Variants in ADGRB3 observed in about 807,000 individuals in gnomAD.
ADGRB3 encodes adhesion G protein-coupled receptor B3.
Under a neutral mutation model 193.4 loss-of-function variants are expected in ADGRB3, and 37 were observed. That is an observed-to-expected ratio of 0.19 (90% CI 0.15 to 0.25). ADGRB3 has a LOEUF of 0.25. Ranked by LOEUF, ADGRB3 falls within the 10% of genes least tolerant of loss-of-function variation. The probability of loss-of-function intolerance (pLI) is 1.00; values close to 1 mark genes in which losing one functional copy is unlikely to be tolerated. For synonymous variants in ADGRB3, 690 were observed against 644.2 expected, an observed-to-expected ratio of 1.07 and a Z score of -1.08; for missense variants, 1,637 against 1,852.9, an observed-to-expected ratio of 0.88 and a Z score of 2.14.
chr6:68,912,330 A>G (rs1424403983), intron 3 of ADGRB3, among the ~76,000 whole-genome samples: 1 of 151,270 alleles, frequency 6.6e-6, no homozygotes, highest in Non-Finnish European at 1.5e-5. Flanking sequence ...AATAATGTAT[A>G]TTCATCTTCT....
intron 20 of ADGRB3, among the ~76,000 whole-genome samples, chr6:69,297,392 ATCTCTCTCTCTC>A (rs375206329): frequency 8.8e-6 from 1 of 113,262 alleles, no homozygotes; most frequent in African/African-American, 3.5e-5. Flanking sequence ...CTCTCTCTCT[ATCTCTCTCTCTC>A]TCTCTCTATA....
intron 3 of ADGRB3, among the ~76,000 whole-genome samples, chr6:68,707,129 A>C (rs994862844): frequency 1.3e-5 from 2 of 151,754 alleles, no homozygotes; most frequent in South Asian, 4.2e-4. Context: ...AAAAAAAAAA[A>C]AGATTGTTTT....
intron 3 of ADGRB3, among the ~76,000 whole-genome samples, chr6:68,672,390 A>G (rs1303336214): frequency 6.6e-6 from 1 of 151,582 alleles, no homozygotes; most frequent in Non-Finnish European, 1.5e-5. Flanking sequence ...TTTTTGATGC[A>G]TGCACTTGTA....
chr6:68,788,145 T>C (rs1488997942), intron 3 of ADGRB3, among the ~76,000 whole-genome samples: 2 of 152,224 alleles, frequency 1.3e-5, no homozygotes, highest in African/African-American at 4.8e-5. Context: ...TTTTTGTGTC[T>C]CTATTTCCTT....
intron 20 of ADGRB3, among the ~76,000 whole-genome samples, chr6:69,289,566 C>T (rs75537652): frequency 1.3e-5 from 2 of 152,142 alleles, no homozygotes; most frequent in East Asian, 1.9e-4. Flanking sequence ...TTACATGGCC[C>T]TATTTTATGC....
In ADGRB3 at chr6:69,101,350, C is replaced by T. The variant is rs563267218; in HGVS notation, c.2480+25312C>T. On this transcript the variant is annotated intron_variant, in intron 17 of 31. Coordinates refer to ENST00000370598, the MANE Select transcript of ADGRB3 (RefSeq NM_001704.3). ...AAATTTTATCTTAAAACAGTTCTAT[C>T]TCTTTGTTTTTACTTAGACATTTAT... 1.2e-4 allele frequency among the ~76,000 whole-genome samples: 19 copies of T among 152,002 alleles called. No homozygotes were observed. The South Asian group carries it at 3.1e-3, about 25-fold the overall frequency.
intron 3 of ADGRB3, among the ~76,000 whole-genome samples, chr6:68,914,087 G>A (rs1303999586): frequency 3.2e-4 from 48 of 151,964 alleles, no homozygotes; most frequent in Non-Finnish European, 4.3e-4. Flanking sequence ...TGAAAGTGAT[G>A]TGGAGAATGG....
At chr6:69,060,300 T>C (rs905700625) in intron 15 of ADGRB3, among the ~76,000 whole-genome samples, 1 of 150,642 alleles carries the variant, frequency 6.6e-6, no homozygotes, top group Non-Finnish European at 1.5e-5. Context: ...GTTGATTCTG[T>C]CCTCTAGGGA....
chr6:69,325,997 T>C (rs1215301376), intron 21 of ADGRB3, among the ~76,000 whole-genome samples: 1 of 152,116 alleles, frequency 6.6e-6, no homozygotes, highest in Non-Finnish European at 1.5e-5. Context: ...TGAGCGTGGG[T>C]GGACTACCTG....
intron 3 of ADGRB3, among the ~76,000 whole-genome samples, chr6:68,815,218 G>T (rs557555343): frequency 1.3e-5 from 2 of 152,242 alleles, no homozygotes; most frequent in Admixed American, 6.5e-5. Context: ...CTTTCTTTGA[G>T]TGTTCAATGG....
chr6:68,869,015 C>A (rs1488199205), intron 3 of ADGRB3, among the ~76,000 whole-genome samples: 1 of 151,266 alleles, frequency 6.6e-6, no homozygotes, highest in Non-Finnish European at 1.5e-5. Flanking sequence ...TGTTGATGCT[C>A]CCTCAAAGCA....
At chr6:69,241,934 G>A (rs898801571) in intron 20 of ADGRB3, among the ~76,000 whole-genome samples, 11 of 151,918 alleles carry the variant, frequency 7.2e-5, no homozygotes, top group Non-Finnish European at 1.2e-4. Flanking sequence ...CTAGCTCTTA[G>A]TAGATGTTCT....
chr6:69,089,557 C>T (rs1772647752), intron 17 of ADGRB3, among the ~76,000 whole-genome samples: 1 of 152,134 alleles, frequency 6.6e-6, no homozygotes, highest in Non-Finnish European at 1.5e-5. Flanking sequence ...TATCCAGCAT[C>T]ACTGGAAAAT....
chr6:69,141,172 G>A (rs1310114297), intron 17 of ADGRB3, among the ~76,000 whole-genome samples: 1 of 149,948 alleles, frequency 6.7e-6, no homozygotes, highest in Non-Finnish European at 1.5e-5. Flanking sequence ...CGCCCAGGCT[G>A]GAGTGCAGTG....
At chr6:69,113,451 A>C (rs1206915612) in intron 17 of ADGRB3, among the ~76,000 whole-genome samples, 1 of 152,072 alleles carries the variant, frequency 6.6e-6, no homozygotes, top group Non-Finnish European at 1.5e-5. Flanking sequence ...TATTTTTACA[A>C]ATTAGTGGAA....
At chr6:68,905,428 C>T (rs558409105) in intron 3 of ADGRB3, among the ~76,000 whole-genome samples, 21 of 152,148 alleles carry the variant, frequency 1.4e-4, no homozygotes, top group Admixed American at 6.6e-4. Flanking sequence ...TTCTATCCAT[C>T]GGGATTGAGA....
chr6:69,157,502 C>T (rs2150343406), intron 17 of ADGRB3, among the ~76,000 whole-genome samples: 1 of 151,990 alleles, frequency 6.6e-6, no homozygotes, highest in Non-Finnish European at 1.5e-5. Flanking sequence ...TCTTGTAGAC[C>T]TCACTCACAA....
intron 3 of ADGRB3, among the ~76,000 whole-genome samples, chr6:68,751,477 C>T (rs143112223): frequency 8.4e-4 from 128 of 152,220 alleles, no homozygotes; most frequent in African/African-American, 3.0e-3. Flanking sequence ...TGAAATAAAA[C>T]ATCAGAGATG....
intron 17 of ADGRB3, among the ~76,000 whole-genome samples, chr6:69,224,959 C>G (rs1765978278): frequency 1.3e-5 from 2 of 152,196 alleles, no homozygotes; most frequent in East Asian, 1.9e-4. Context: ...TATTAACACT[C>G]TCATCATTAT....
Sources: gnomAD v4.1 joint callset for allele counts (sites outside exome capture counted in the v4.1 genomes callset) on GRCh38, gnomAD v4.1.1 for gene constraint, MANE v1.5 for transcripts, NCBI Gene and HGNC (gene_info 2026-07-23, HGNC 2026-07-21) for gene names.